GARNL3: variants seen among roughly 807,000 people sequenced by gnomAD.
GARNL3 encodes the protein GTPase activating Rap/RanGAP domain like 3, also known as GTPase-activating Rap/Ran-GAP domain-like protein 3.
Under a neutral mutation model 125.0 loss-of-function variants are expected in GARNL3, and 63 were observed. The observed-to-expected ratio is 0.50, with a 90% CI of 0.41 to 0.62. GARNL3 has a LOEUF of 0.62. Among genes scored for constraint, GARNL3 ranks in the 20% least tolerant of loss-of-function variants. The pLI, the probability that GARNL3 is intolerant of heterozygous loss-of-function variation, is 0.00. For missense variants in GARNL3, 994 were observed against 1,244.0 expected, an observed-to-expected ratio of 0.80 and a Z score of 3.02; for synonymous variants, 439 against 457.5, an observed-to-expected ratio of 0.96 and a Z score of 0.52.
rs77192241 is a variant in GARNL3 at position 127,250,834 on chromosome 9, G to T, written c.143+7585G>T. 9.7e-3 allele frequency among the ~76,000 whole-genome samples: 1,482 copies of T among 152,176 alleles called. 85 individuals are homozygous for T. The East Asian group carries it at 0.17, about 18-fold the overall frequency. ...CTGCTTCTTGTGCCCTAAGAACAGG[G>T]AGGAGGATGGTCTCGCTCCCTGCCA... On this transcript the variant is annotated intron_variant, in intron 2 of 10. Transcript: ENST00000439286.
In GARNL3 at chr9:127,353,928, T is replaced by C. The variant is rs1270686347; in HGVS notation, c.1626T>C (p.Val542=). Residue 542 remains valine (V), a synonymous_variant, in exon 18 of 28, where the codon GTT becomes GTC. Transcript: ENST00000373387. The part of the protein sequence containing the change: ...MHVLETLDLL[V]LRADKGKDAR... ...TGCTTGAGACCCTGGACCTTCTGGT[T>C]CTCAGAGCAGACAAAGGTGGTATTC... 3.1e-6 allele frequency: 5 copies of C among 1,612,106 alleles called. No homozygotes were observed. The Admixed American group carries it at 8.3e-5, about 27-fold the overall frequency.
intron 13 of GARNL3, among the ~76,000 whole-genome samples, chr9:127,341,912 G>A (rs565547899): frequency 1.3e-5 from 2 of 152,276 alleles, no homozygotes; most frequent in East Asian, 1.9e-4. Flanking sequence ...GGGTTGGTGC[G>A]CTGAGAGGAC....
At chr9:127,234,977 T>C (rs2063084773) in intron 1 of GARNL3, among the ~76,000 whole-genome samples, 1 of 152,174 alleles carries the variant, frequency 6.6e-6, no homozygotes, top group Non-Finnish European at 1.5e-5. Context: ...ATCATAGCAC[T>C]TATAAAAGTT....
intron 21 of GARNL3, 161 bp from the exon 22 acceptor site, chr9:127,365,139 C>T: frequency 1.6e-6 from 1 of 629,058 alleles, no homozygotes; most frequent in African/African-American, 1.9e-5. Context: ...ATTATAATCC[C>T]AGCCCCCAAT....
intron 17 of GARNL3, among the ~76,000 whole-genome samples, chr9:127,351,208 G>A (rs954623735): frequency 2.0e-5 from 3 of 152,092 alleles, no homozygotes; most frequent in African/African-American, 7.2e-5. Flanking sequence ...TATTTGAGTT[G>A]CCTCTATTTT....
chr9:127,374,279 C>T (rs1179187115), intron 22 of GARNL3, among the ~76,000 whole-genome samples: 1 of 149,468 alleles, frequency 6.7e-6, no homozygotes, highest in East Asian at 2.0e-4. Flanking sequence ...CCAGCCTGGG[C>T]AACAAGAGCA....
intron 1 of GARNL3, among the ~76,000 whole-genome samples, chr9:127,288,738 A>G (rs144048479): frequency 1.7e-4 from 26 of 152,300 alleles, no homozygotes; most frequent in Non-Finnish European, 3.1e-4. Flanking sequence ...AAATGAAAAG[A>G]GCATTATTAC....
intron 7 of GARNL3, among the ~76,000 whole-genome samples, chr9:127,329,279 A>G (rs1363364198): frequency 6.6e-6 from 1 of 152,184 alleles, no homozygotes. Context: ...CATATAATTT[A>G]TCATTTAAAC....
chr9:127,305,852 G>A (rs537585465), intron 2 of GARNL3, among the ~76,000 whole-genome samples: 3 of 151,990 alleles, frequency 2.0e-5, no homozygotes, highest in East Asian at 3.9e-4. Context: ...CTCCCAACTC[G>A]GCCTCTCAAA....
chr9:127,387,229 G>A lies in GARNL3; in HGVS notation c.2425G>A (p.Glu809Lys), dbSNP rs1388341697. The A allele has an allele frequency of 2.5e-6, 4 of 1,613,948 alleles. No homozygotes were observed. The East Asian group carries it at 6.7e-5, about 27-fold the overall frequency. Residue 809 changes from glutamate to lysine, a missense_variant, in exon 25 of 28, where the codon GAG (glutamate) becomes AAG (lysine). Around this residue, in one of 5 missense-constraint regions of GARNL3, gnomAD observed 728 missense variants for 865.7 expected, o/e 0.84. Transcript: ENST00000373387. ...IYFTATAAVN[E>K]VSSGGSSKGA... ...CTTCACAGCAACTGCAGCTGTGAAT[G>A]AGGTCTCATCTGGAGGCAGCTCCAA...
chr9:127,327,092 G>A (rs1049997118), intron 7 of GARNL3, among the ~76,000 whole-genome samples: 8 of 152,078 alleles, frequency 5.3e-5, no homozygotes, highest in African/African-American at 1.4e-4. Context: ...CATTATTTAC[G>A]TATAATCCCA....
At position 127,365,383 on chromosome 9, in the gene GARNL3, C is replaced by T. The variant is rs768135975; in HGVS notation, c.2161+17C>T. 5 of 1,588,474 alleles carry T rather than the reference C, an allele frequency of 3.1e-6. No homozygotes were observed. The highest frequency in any genetic ancestry group is 4.3e-6 in the Non-Finnish European group (5 of 1,159,282). On this transcript the variant is annotated intron_variant, in intron 22 of 27. Coordinates refer to ENST00000373387, the MANE Select transcript of GARNL3 (RefSeq NM_032293.5). ...GTTACAACTGTAAGTTAAGGATGTG[C>T]TTTTATCTTTATTTGCTTAAATGGA...
intron 20 of GARNL3, among the ~76,000 whole-genome samples, chr9:127,356,895 T>C (rs915800617): frequency 2.6e-5 from 4 of 152,242 alleles, no homozygotes; most frequent in South Asian, 2.1e-4. Flanking sequence ...CAATTATTAA[T>C]ACTATTACTG....
chr9:127,286,931 G>T (rs1284795971), intron 1 of GARNL3, among the ~76,000 whole-genome samples: 1 of 152,156 alleles, frequency 6.6e-6, no homozygotes, highest in African/African-American at 2.4e-5. Context: ...AACTCTAAGT[G>T]GGTGGTGGGT....
At chr9:127,304,198 A>G (rs1003426090) in intron 2 of GARNL3, among the ~76,000 whole-genome samples, 2 of 152,210 alleles carry the variant, frequency 1.3e-5, no homozygotes, top group East Asian at 1.9e-4. Flanking sequence ...CAGAGTTTCT[A>G]TATCTCCAAG....
At chr9:127,341,838 A>G (rs960394623) in intron 13 of GARNL3, among the ~76,000 whole-genome samples, 3 of 152,212 alleles carry the variant, frequency 2.0e-5, no homozygotes, top group African/African-American at 7.2e-5. Context: ...AGAAGAATGC[A>G]GGCTCAAGGT....
chr9:127,268,321 G>A (rs1177098285), intron 1 of GARNL3, among the ~76,000 whole-genome samples: 1 of 152,188 alleles, frequency 6.6e-6, no homozygotes. Flanking sequence ...TTCACTGAAA[G>A]GATATGGGTG....
intron 2 of GARNL3, among the ~76,000 whole-genome samples, chr9:127,257,440 A>G (rs192402897): frequency 2.6e-5 from 4 of 152,310 alleles, no homozygotes; most frequent in African/African-American, 9.6e-5. Context: ...AGCATTTGGT[A>G]TGGTTACTAT....
rs1317994996 is a variant in GARNL3, at chr9:127,357,369, G to A, written c.2086G>A (p.Ala696Thr). The A allele has an allele frequency of 2.5e-6, 4 of 1,613,604 alleles. No individual in the cohort carries two copies. Among genetic ancestry groups the A allele is most frequent in the South Asian group, 1.1e-5 (1 of 91,052 alleles). Residue 696 changes from alanine to threonine, a missense_variant, in exon 21 of 28, where the codon GCC (alanine) becomes ACC (threonine). Around this residue, in one of 5 missense-constraint regions of GARNL3, gnomAD observed 728 missense variants for 865.7 expected, o/e 0.84. Coordinates refer to ENST00000373387, the MANE Select transcript of GARNL3 (RefSeq NM_032293.5). Reference sequence around the variant, plus strand: ...AGCCTTCAGGCTGCACCACGTGGAGGCCAACAGGGTAAGCCAGCGGTTGTG... The same window carrying A: ...AGCCTTCAGGCTGCACCACGTGGAGACCAACAGGGTAAGCCAGCGGTTGTG... ...GEAFRLHHVE[A>T]NRVNFVAAID...
Sources: allele counts gnomAD v4.1 joint callset (sites outside exome capture counted in the v4.1 genomes callset), GRCh38; gene constraint gnomAD v4.1.1; regional missense constraint gnomAD v4.1.1; transcripts MANE v1.5; gene names NCBI Gene and HGNC (gene_info 2026-07-23, HGNC 2026-07-21).